HERC4: variants seen among roughly 807,000 people sequenced by gnomAD.
The protein encoded by HERC4 is HECT and RLD domain containing E3 ubiquitin protein ligase 4.
In HERC4, 28 loss-of-function variants were observed where a neutral mutation model predicts 124.3. The observed-to-expected ratio is 0.23, with a 90% CI of 0.17 to 0.31. The LOEUF (loss-of-function observed/expected upper bound fraction) is 0.31, where lower values mean the gene tolerates loss of function less well. HERC4 is among the 10% of genes least tolerant of loss of function. The probability of loss-of-function intolerance (pLI) is 1.00; values close to 1 mark genes in which losing one functional copy is unlikely to be tolerated. For missense variants in HERC4, 713 were observed against 1,229.3 expected, an observed-to-expected ratio of 0.58 and a Z score of 6.28; for synonymous variants, 407 against 421.5, an observed-to-expected ratio of 0.97 and a Z score of 0.42.
Position 68,034,134 on chromosome 10 carries a change from A to G in HERC4, c.516T>C (p.Gly172=). 2 of 1,614,168 alleles carry G rather than the reference A, an allele frequency of 1.2e-6. No individual in the cohort carries two copies. The highest frequency in any genetic ancestry group is 1.7e-6 in the Non-Finnish European group (2 of 1,180,030). The change falls in exon 6 of 25, where the codon GGT becomes GGC. Residue 172 remains glycine, a synonymous_variant. Coordinates refer to ENST00000373700, the MANE Select transcript of HERC4 (RefSeq NM_015601.4). ...GQNKYGQLGL[G]TDCKKQTSPQ... ...GTGAAGTTTGCTTTTTACAGTCAGT[A>G]CCTAAACCCAATTGGCCATATTTAT... is the stretch of plus-strand genomic sequence containing the variant.
At chr10:68,017,609 C>A (rs536912917) in intron 8 of HERC4, among the ~76,000 whole-genome samples, 1 of 152,298 alleles carries the variant, frequency 6.6e-6, no homozygotes, top group South Asian at 2.1e-4. Flanking sequence ...TCATCAGCCT[C>A]CCCAGAAGCT....
Position 68,019,675 on chromosome 10 carries a change from T to C in HERC4, c.909-5489A>G, listed in dbSNP as rs879714121. 5.9e-5 allele frequency among the ~76,000 whole-genome samples: 9 copies of C among 152,164 alleles called. 1 individual carries two copies. Among genetic ancestry groups the C allele is most frequent in the Admixed American group, 2.6e-4 (4 of 15,270 alleles). On this transcript the variant is annotated intron_variant, in intron 8 of 24. Transcript: ENST00000373700. Reference sequence around the variant, plus strand: ...TCCAAGAGAAGAGTTGGATGGCAAATTCTGGTTAATTTCAACTTCGGATCT... The same window carrying C: ...TCCAAGAGAAGAGTTGGATGGCAAACTCTGGTTAATTTCAACTTCGGATCT...
intron 9 of HERC4, among the ~76,000 whole-genome samples, chr10:68,006,375 G>GTTTTTTTTTTT (rs772576805): frequency 7.5e-6 from 1 of 134,036 alleles, no homozygotes; most frequent in African/African-American, 2.7e-5. Flanking sequence ...TTTTGTTTTT[G>GTTTTTTTTTTT]TTTTTTTTTT....
chr10:67,991,116 G>T (rs1554814152), intron 12 of HERC4, 24 bp downstream of exon 12: 1 of 1,479,352 alleles, frequency 6.8e-7, no homozygotes, highest in Non-Finnish European at 9.0e-7. Flanking sequence ...GAAAATTTCA[G>T]CATATTAAAG....
chr10:67,932,461 G>C lies in HERC4; in HGVS notation c.2838+136C>G, dbSNP rs2031924830. The C allele has an allele frequency of 1.5e-5, 10 of 675,038 alleles. No individual in the cohort carries two copies. The East Asian group carries it at 2.8e-4, about 19-fold the overall frequency. 41.8% of individuals were successfully genotyped at this position (675,038 alleles called of 1,614,324 possible). On this transcript the variant is annotated intron_variant, in intron 23 of 24. Transcript: ENST00000373700. ...ATACCGTTCAAATCCATTCATTGTG[G>C]AGTTTGAAGGGTAGAGTGCTTTCCT...
At chr10:67,923,585 A>G (rs1292428624) in intron 24 of HERC4, among the ~76,000 whole-genome samples, 1 of 151,762 alleles carries the variant, frequency 6.6e-6, no homozygotes, top group Non-Finnish European at 1.5e-5. Context: ...TTTTGAGACG[A>G]GTCTTGCTCA....
In HERC4 at chr10:67,957,009, T is replaced by G. The variant is rs370330207; in HGVS notation, c.1927-33A>C. 5 of 1,314,486 alleles carry G rather than the reference T, an allele frequency of 3.8e-6. No homozygotes were observed. The African/African-American group carries it at 5.9e-5, about 16-fold the overall frequency. 81.4% of individuals were successfully genotyped at this position (1,314,486 alleles called of 1,614,324 possible). ...TAAAAAATTAACTTATTAGTACAAG[T>G]TGATTTGTGATATACTTACTGTGGA... On this transcript the variant is annotated intron_variant, in intron 16 of 24. Coordinates refer to ENST00000373700, the MANE Select transcript of HERC4 (RefSeq NM_015601.4).
intron 3 of HERC4, among the ~76,000 whole-genome samples, chr10:68,056,461 TA>T (rs2040555062): frequency 6.6e-6 from 1 of 152,116 alleles, no homozygotes. Flanking sequence ...GATGACATGG[TA>T]GGGAAGATCA....
chr10:67,953,250 G>T (rs1245932047), intron 19 of HERC4, among the ~76,000 whole-genome samples: 1 of 152,094 alleles, frequency 6.6e-6, no homozygotes, highest in African/African-American at 2.4e-5. Flanking sequence ...AAATAAGTTA[G>T]CTTAAATGAG....
At chr10:67,976,676 C>A (rs560178405) in intron 15 of HERC4, among the ~76,000 whole-genome samples, 45 of 152,240 alleles carry the variant, frequency 3.0e-4, no homozygotes, top group African/African-American at 9.1e-4. Context: ...CTTGAATCAC[C>A]AACATCACCC....
In HERC4 at chr10:67,936,249, T is replaced by A. The variant is rs761640289; in HGVS notation, c.2572-14A>T. On this transcript the variant is annotated splice_polypyrimidine_tract_variant and intron_variant, in intron 21 of 24. Coordinates refer to ENST00000373700, the MANE Select transcript of HERC4 (RefSeq NM_015601.4). ...TTCAACTGTGATCTATTAATTTAAA[T>A]TTTTAAAAAAAGTCAATGTCAGACT... The A allele has an allele frequency of 2.0e-6, 3 of 1,533,032 alleles. No homozygotes were observed. In the East Asian group the frequency reaches 6.9e-5, roughly 35 times the overall value. 95.0% of individuals were successfully genotyped at this position (1,533,032 alleles called of 1,614,324 possible). A position where few individuals can be genotyped will look rare whatever the true frequency, so the allele number is the denominator to read the frequency against.
chr10:67,935,177 G>A (rs925962067), intron 22 of HERC4, among the ~76,000 whole-genome samples: 6 of 146,552 alleles, frequency 4.1e-5, no homozygotes, highest in Non-Finnish European at 7.4e-5. Flanking sequence ...ACGGAGTCTC[G>A]CTCTGTCGCC....
chr10:68,048,715 C>A, intron 3 of HERC4, among the ~76,000 whole-genome samples: 1 of 152,136 alleles, frequency 6.6e-6, no homozygotes, highest in African/African-American at 2.4e-5. Flanking sequence ...CATTGTGCTG[C>A]AGAACATCCA....
At chr10:67,936,065 G>T in intron 22 of HERC4, 88 bp downstream of exon 22, 1 of 789,140 alleles carries the variant, frequency 1.3e-6, no homozygotes, top group Non-Finnish European at 2.0e-6. Context: ...TGGAGTAAAA[G>T]CTTAGGGTTG....
At chr10:67,984,270 C>T (rs1235659581) in intron 15 of HERC4, among the ~76,000 whole-genome samples, 1 of 150,578 alleles carries the variant, frequency 6.6e-6, no homozygotes, top group Non-Finnish European at 1.5e-5. Context: ...CCACTGTACT[C>T]CACCCTGGAC....
intron 3 of HERC4, among the ~76,000 whole-genome samples, chr10:68,050,114 T>G (rs1394732124): frequency 6.6e-6 from 1 of 152,070 alleles, no homozygotes; most frequent in East Asian, 1.9e-4. Context: ...AATCACCTGA[T>G]CCTGGGAGCC....
intron 19 of HERC4, among the ~76,000 whole-genome samples, chr10:67,952,797 G>A (rs1290951971): frequency 6.6e-6 from 1 of 151,824 alleles, no homozygotes; most frequent in African/African-American, 2.4e-5. Context: ...CTACTCGGGA[G>A]GCTGAGGCAG....
intron 5 of HERC4, 92 bp from the exon 6 acceptor site, chr10:68,034,278 GAATAT>G (rs1589380848): frequency 2.2e-6 from 2 of 924,134 alleles, no homozygotes; most frequent in East Asian, 5.3e-5. Flanking sequence ...TTCATATAAA[GAATAT>G]TATTTTGGGA....
rs866751822 is a variant in HERC4 at position 68,063,644 on chromosome 10, T to C, written c.226+9239A>G. On this transcript the variant is annotated intron_variant, in intron 3 of 24. Coordinates refer to ENST00000373700, the MANE Select transcript of HERC4 (RefSeq NM_015601.4). ...AAAGATGTTCTTTTTCCTAAATAAA[T>C]AAACAGAGGTAGGTCAGGCGTGGTG... Among the ~76,000 whole-genome samples the C allele has an allele frequency of 2.6e-5, 4 of 152,288 alleles. No homozygotes were observed. The South Asian group carries it at 8.3e-4, about 32-fold the overall frequency.
Sources: allele counts gnomAD v4.1 joint callset (sites outside exome capture counted in the v4.1 genomes callset), GRCh38; gene constraint gnomAD v4.1.1; transcripts MANE v1.5; gene names NCBI Gene and HGNC (gene_info 2026-07-23, HGNC 2026-07-21).